Variants in SCARB2 observed in about 807,000 individuals in gnomAD.
SCARB2 encodes the protein scavenger receptor class B member 2, also known as lysosome membrane protein 2.
In SCARB2, 29 loss-of-function variants were observed where a neutral mutation model predicts 58.6. The observed-to-expected ratio is 0.49, with a 90% CI of 0.37 to 0.67. The LOEUF is 0.67. Among genes scored for constraint, SCARB2 ranks in the 30% least tolerant of loss-of-function variants. SCARB2 has a pLI of 0.00. For missense variants in SCARB2, 488 were observed against 578.5 expected, an observed-to-expected ratio of 0.84 and a Z score of 1.60; for synonymous variants, 195 against 210.1, an observed-to-expected ratio of 0.93 and a Z score of 0.62.
intron 10 of SCARB2, chr4:76,163,616 G>A: frequency 1.7e-6 from 1 of 573,674 alleles, no homozygotes; most frequent in Non-Finnish European, 3.1e-6. Flanking sequence ...GAAAAAGGAG[G>A]TAAAATGTAT....
intron 1 of SCARB2, among the ~76,000 whole-genome samples, chr4:76,207,004 G>A (rs990440325): frequency 6.6e-6 from 1 of 152,052 alleles, no homozygotes; most frequent in Non-Finnish European, 1.5e-5. Flanking sequence ...ATAAAACAGG[G>A]ATATTATGTA....
chr4:76,184,259 C>G (rs761693310), intron 2 of SCARB2, among the ~76,000 whole-genome samples: 1 of 152,178 alleles, frequency 6.6e-6, no homozygotes, highest in African/African-American at 2.4e-5. Flanking sequence ...ACAACCTCTC[C>G]TAACAGGTAC....
At chr4:76,179,035 GTT>G (rs1226492179) in intron 4 of SCARB2, 1 of 136,914 alleles carries the variant, frequency 7.3e-6, no homozygotes, top group Non-Finnish European at 1.3e-5. Flanking sequence ...CAGGGTTTTT[GTT>G]TTTGTTTTTG....
At chr4:76,209,407 C>T (rs1423748275) in intron 1 of SCARB2, among the ~76,000 whole-genome samples, 1 of 152,008 alleles carries the variant, frequency 6.6e-6, no homozygotes, top group Admixed American at 6.5e-5. Flanking sequence ...CTTGCTCTGT[C>T]GCCCAGGCTG....
intron 6 of SCARB2, chr4:76,175,423 A>C (rs530144890): frequency 1.0e-4 from 31 of 297,522 alleles, no homozygotes; most frequent in South Asian, 1.0e-3. Context: ...AATATTGGTT[A>C]CTGTGTGATG....
chr4:76,182,019 G>GT (rs1178273975), intron 2 of SCARB2, among the ~76,000 whole-genome samples: 1 of 150,560 alleles, frequency 6.6e-6, no homozygotes, highest in Non-Finnish European at 1.5e-5. Context: ...AAGATAAATA[G>GT]TTTAATGCAC....
chr4:76,175,552 A>G, intron 6 of SCARB2: 1 of 532,234 alleles, frequency 1.9e-6, no homozygotes, highest in Middle Eastern at 5.3e-4. Context: ...AGAGTGGTTA[A>G]GTAATTTGCC....
Position 76,213,619 on chromosome 4 carries a change from G to C in SCARB2, c.-76C>G, listed in dbSNP as rs1437294035. The C allele has an allele frequency of 2.4e-6, 3 of 1,249,270 alleles. No homozygotes were observed. Among genetic ancestry groups the C allele is most frequent in the Non-Finnish European group, 3.5e-6 (3 of 862,408 alleles). The allele number at this position is 1,249,270 out of a possible 1,614,324, so 77.4% of individuals were successfully genotyped here. A position where few individuals can be genotyped will look rare whatever the true frequency, so the allele number is the denominator to read the frequency against. On this transcript the variant is annotated 5_prime_UTR_variant, in exon 1 of 12. Transcript: ENST00000264896. ...CTGCAAGGAGGGAGGAGCCGCCGCA[G>C]AGGCGTCGAAGACCCGGGACCCTTC...
intron 2 of SCARB2, chr4:76,191,944 T>G (rs1217319867): frequency 1.3e-5 from 2 of 152,206 alleles, no homozygotes; most frequent in African/African-American, 4.8e-5. Context: ...CTAATCTTTG[T>G]ATGTTTAGTA....
chr4:76,159,718 C>CA lies in SCARB2; in HGVS notation c.*1994dup, dbSNP rs977968851. The CA allele has an allele frequency of 1.8e-4, 26 of 147,146 alleles. No individual in the cohort carries two copies. Among genetic ancestry groups the CA allele is most frequent in the East Asian group, 3.9e-4 (2 of 5,076 alleles). The allele number at this position is 147,146 out of a possible 1,614,324, so 9.1% of individuals were successfully genotyped here. The stretch of plus-strand genomic sequence containing the variant: ...GCCTGGCGACAGAGTGAGACTCTCT[C>CA]AAAAAAAAAAGAATCATGACACAAG... On this transcript the variant is annotated 3_prime_UTR_variant, in exon 12 of 12. Transcript: ENST00000264896.
In SCARB2 at chr4:76,189,814, C is replaced by G. The variant is rs139726336; in HGVS notation, c.275+5893G>C. On this transcript the variant is annotated intron_variant, in intron 2 of 11. Transcript: ENST00000264896. The stretch of plus-strand genomic sequence containing the variant: ...AGTCCCTTATAAAACCATCAGATCT[C>G]GTGAGAACTAACTCAGTATCAAGAG... Among the ~76,000 whole-genome samples, 998 of 152,128 alleles carry G rather than the reference C, an allele frequency of 6.6e-3. 4 individuals carry two copies. The highest frequency in any genetic ancestry group is 0.01 in the Non-Finnish European group (692 of 68,004).
upstream of SCARB2, among the ~76,000 whole-genome samples, chr4:76,215,128 C>T (rs1016878760): frequency 1.6e-4 from 24 of 152,194 alleles, no homozygotes; most frequent in African/African-American, 5.8e-4. Flanking sequence ...TTGCAGCAAC[C>T]TAGGGATAAA....
intron 4 of SCARB2, among the ~76,000 whole-genome samples, chr4:76,178,743 C>A (rs1732315780): frequency 6.6e-6 from 1 of 152,178 alleles, no homozygotes; most frequent in African/African-American, 2.4e-5. Flanking sequence ...CTGTCTCTCA[C>A]ACATATAATT....
rs147142116 is a variant in SCARB2, at chr4:76,166,279, T to C, written c.1210A>G (p.Met404Val). Residue 404 changes from methionine to valine, a missense_variant, in exon 10 of 12, where the codon ATG (methionine) becomes GTG (valine). Physicochemically the swap from Met to Val is conservative, Grantham distance 21. Transcript: ENST00000264896. ...TTGAGGTACATCACTGGGAAAACCA[T>C]GGTTCTAATGTCTCCCGTTTCACTA... ...DFVETGDIRTMVFPVMYLNES... is the reference protein window; with the variant it reads ...DFVETGDIRTVVFPVMYLNES... 112 of 1,614,188 alleles carry C rather than the reference T, an allele frequency of 6.9e-5. No homozygotes were observed. The East Asian group carries it at 1.1e-3, about 16-fold the overall frequency.
chr4:76,225,185 G>T (rs1335452815), intron 1 of SCARB2, among the ~76,000 whole-genome samples: 1 of 151,976 alleles, frequency 6.6e-6, no homozygotes, highest in Admixed American at 6.6e-5. Flanking sequence ...TTATCCACTC[G>T]CACTCGTTGG....
chr4:76,218,509 G>A (rs377225611), upstream of SCARB2, among the ~76,000 whole-genome samples: 5 of 152,152 alleles, frequency 3.3e-5, no homozygotes, highest in African/African-American at 7.2e-5. Flanking sequence ...CGCCTCCTCC[G>A]ATCAAGAAGA....
chr4:76,176,820 G>T, intron 4 of SCARB2: 1 of 291,136 alleles, frequency 3.4e-6, no homozygotes, highest in Non-Finnish European at 6.4e-6. Context: ...GGATTTCCAG[G>T]TTGCAGCCCA....
chr4:76,192,814 C>T (rs1019649623), intron 2 of SCARB2: 3 of 152,270 alleles, frequency 2.0e-5, no homozygotes, highest in East Asian at 3.9e-4. Flanking sequence ...ATCATGCCAC[C>T]GCACTCTAGC....
intron 1 of SCARB2, among the ~76,000 whole-genome samples, chr4:76,202,205 C>T (rs564819923): frequency 6.6e-6 from 1 of 152,268 alleles, no homozygotes; most frequent in East Asian, 1.9e-4. Context: ...GTGTTGCCTC[C>T]AATTTCTATT....
Sources: allele counts gnomAD v4.1 joint callset (sites outside exome capture counted in the v4.1 genomes callset), GRCh38; gene constraint gnomAD v4.1.1; transcripts MANE v1.5; gene names NCBI Gene and HGNC (gene_info 2026-07-23, HGNC 2026-07-21).